BEND6: variants seen among roughly 807,000 people sequenced by gnomAD.
The protein encoded by BEND6 is BEN domain-containing protein 6.
In BEND6, 24 loss-of-function variants were observed where a neutral mutation model predicts 31.8. That is an observed-to-expected ratio of 0.75 (90% CI 0.55 to 1.06). The LOEUF (loss-of-function observed/expected upper bound fraction) is 1.06. Among genes scored for constraint, BEND6 ranks in the 50% least tolerant of loss-of-function variants. BEND6 has a pLI of 0.00. For synonymous variants in BEND6, 109 were observed against 114.6 expected (o/e 0.95, Z 0.31); for missense variants, 294 against 327.4 (o/e 0.90, Z 0.79).
intron 1 of BEND6, among the ~76,000 whole-genome samples, chr6:56,956,819 G>A (rs1249619261): frequency 6.6e-6 from 1 of 152,196 alleles, no homozygotes; most frequent in African/African-American, 2.4e-5. Context: ...TTATGCAGAG[G>A]TTATTGAAGA....
At chr6:56,999,103 C>T (rs1826832445) in intron 3 of BEND6, among the ~76,000 whole-genome samples, 1 of 152,232 alleles carries the variant, frequency 6.6e-6, no homozygotes, top group East Asian at 1.9e-4. Flanking sequence ...GGTTCAGCAG[C>T]CTGAGTTGCT....
intron 3 of BEND6, chr6:57,010,665 T>G (rs1827313395): frequency 1.1e-6 from 1 of 926,002 alleles, no homozygotes; most frequent in South Asian, 5.0e-5. Flanking sequence ...TTTTTGTTTC[T>G]GTTTAAAATT....
chr6:56,994,086 C>T (rs188837861), intron 3 of BEND6, among the ~76,000 whole-genome samples: 9 of 152,036 alleles, frequency 5.9e-5, no homozygotes, highest in Admixed American at 2.6e-4. Context: ...TACATAATAC[C>T]CATTTTTATA....
intron 3 of BEND6, among the ~76,000 whole-genome samples, 179 bp downstream of exon 3, chr6:56,992,734 G>C (rs1292146627): frequency 6.6e-6 from 1 of 152,228 alleles, no homozygotes; most frequent in East Asian, 1.9e-4. Context: ...CTCTATTGAA[G>C]GATCTAGCTT....
In BEND6 at chr6:57,026,278, G is replaced by A. The variant is rs1327753992; in HGVS notation, c.*206G>A. 6.6e-6 allele frequency: 1 copy of A among 152,178 alleles called. No homozygotes were observed. The highest frequency in any genetic ancestry group is 6.5e-5 in the Admixed American group (1 of 15,282). The allele number at this position is 152,178 out of a possible 1,614,324, so 9.4% of individuals were successfully genotyped here. On this transcript the variant is annotated 3_prime_UTR_variant, in exon 7 of 7. Transcript: ENST00000370746. The stretch of plus-strand genomic sequence containing the variant: ...AAGCTGCATGTAGATTCCACCCTCA[G>A]TACTAGTGATGCATCAAACCAGAGA...
chr6:56,976,020 G>T, intron 1 of BEND6: 1 of 484,410 alleles, frequency 2.1e-6, no homozygotes. Context: ...GGACATTCAG[G>T]GACATTCAAG....
chr6:56,996,592 C>T (rs548999131), intron 3 of BEND6, among the ~76,000 whole-genome samples: 1 of 152,286 alleles, frequency 6.6e-6, no homozygotes, highest in South Asian at 2.1e-4. Flanking sequence ...ATGTTTCAAA[C>T]CACATTCCTC....
At chr6:56,992,795 ATTTAATAGTT>A (rs1212096409) in intron 3 of BEND6, among the ~76,000 whole-genome samples, 6 of 152,208 alleles carry the variant, frequency 3.9e-5, no homozygotes, top group Non-Finnish European at 8.8e-5. Flanking sequence ...TATTATATTC[ATTTAATAGTT>A]TTTAAGAGAT....
At chr6:57,008,659 A>T (rs1387753841) in intron 3 of BEND6, 1 of 154,986 alleles carries the variant, frequency 6.5e-6, no homozygotes, top group Non-Finnish European at 1.4e-5. Context: ...TATATGAAAA[A>T]AATGCTCAAC....
chr6:56,966,957 T>C (rs1825503981), intron 1 of BEND6, among the ~76,000 whole-genome samples: 1 of 152,122 alleles, frequency 6.6e-6, no homozygotes, highest in Admixed American at 6.5e-5. Context: ...TGATCAGTGG[T>C]AGGATGGATC....
At chr6:56,963,174 A>G (rs1462755087) in intron 1 of BEND6, among the ~76,000 whole-genome samples, 1 of 152,158 alleles carries the variant, frequency 6.6e-6, no homozygotes. Context: ...TTTGCACTGC[A>G]GCTCTTCCCC....
intron 2 of BEND6, among the ~76,000 whole-genome samples, chr6:56,989,040 A>G (rs1029666203): frequency 7.9e-5 from 12 of 151,514 alleles, no homozygotes; most frequent in Non-Finnish European, 1.5e-4. Context: ...CAAAAAGTAA[A>G]TAAATAAATA....
chr6:56,989,713 A>G (rs943275719), intron 2 of BEND6, among the ~76,000 whole-genome samples: 22 of 152,130 alleles, frequency 1.4e-4, no homozygotes, highest in African/African-American at 5.3e-4. Context: ...ATCCTTTCAT[A>G]TATTTATAAG....
intron 3 of BEND6, among the ~76,000 whole-genome samples, chr6:57,011,366 A>G (rs1012015658): frequency 2.0e-5 from 3 of 152,212 alleles, no homozygotes; most frequent in African/African-American, 7.2e-5. Flanking sequence ...AGGAATTTAT[A>G]GCATTGACAT....
At chr6:57,018,602 G>C (rs774600770) in intron 6 of BEND6, 45 bp downstream of exon 6, 201 of 1,393,794 alleles carry the variant, frequency 1.4e-4, no homozygotes, top group Non-Finnish European at 1.8e-4. Flanking sequence ...GCAAGAAAAT[G>C]TCATAATACT....
chr6:56,989,843 G>A (rs1002974811), intron 2 of BEND6, among the ~76,000 whole-genome samples: 2 of 152,066 alleles, frequency 1.3e-5, no homozygotes, highest in Non-Finnish European at 2.9e-5. Context: ...ATATCCACCA[G>A]TTGTGATGTG....
At chr6:56,975,610 C>A in intron 1 of BEND6, 1 of 348,960 alleles carries the variant, frequency 2.9e-6, no homozygotes, top group South Asian at 3.1e-5. Flanking sequence ...CACTCTAGCC[C>A]ATCAGATAGC....
At chr6:56,987,318 A>T (rs1174409484) in intron 2 of BEND6, among the ~76,000 whole-genome samples, 1 of 152,006 alleles carries the variant, frequency 6.6e-6, no homozygotes, top group Non-Finnish European at 1.5e-5. Flanking sequence ...GAACTTACCT[A>T]TTCCCTAACT....
At chr6:56,978,948 TAAC>T (rs1239383864) in intron 1 of BEND6, among the ~76,000 whole-genome samples, 2 of 152,238 alleles carry the variant, frequency 1.3e-5, no homozygotes, top group Admixed American at 6.5e-5. Flanking sequence ...AAAGTCATTT[TAAC>T]AACAACTAAT....
Sources: allele counts gnomAD v4.1 joint callset (sites outside exome capture counted in the v4.1 genomes callset), GRCh38; gene constraint gnomAD v4.1.1; transcripts MANE v1.5; gene names NCBI Gene and HGNC (gene_info 2026-07-23, HGNC 2026-07-21).